The following NAV2 variants were observed in gnomAD, a reference collection of about 807,000 sequenced individuals.
The protein encoded by NAV2 is neuron navigator 2, also known as helicase, APC down-regulated 1.
NAV2 carries 54 observed loss-of-function variants against 223.2 expected under a neutral mutation model. The observed-to-expected ratio is 0.24, with a 90% CI of 0.19 to 0.30. NAV2 has a LOEUF of 0.30. Among genes scored for constraint, NAV2 ranks in the 10% least tolerant of loss-of-function variants. The pLI, the probability that NAV2 is intolerant of heterozygous loss-of-function variation, is 1.00. For synonymous variants in NAV2, 1,279 were observed against 1,239.3 expected, an observed-to-expected ratio of 1.03 and a Z score of -0.67; for missense variants, 2,806 against 3,147.5, an observed-to-expected ratio of 0.89 and a Z score of 2.60.
intron 1 of NAV2, among the ~76,000 whole-genome samples, chr11:19,475,804 C>A (rs933829158): frequency 2.0e-5 from 3 of 152,188 alleles, no homozygotes; most frequent in African/African-American, 4.8e-5. Flanking sequence ...CCATAAAAAT[C>A]GGTCTGTCCT....
At chr11:19,474,659 T>A (rs1398209227) in intron 1 of NAV2, among the ~76,000 whole-genome samples, 3 of 152,162 alleles carry the variant, frequency 2.0e-5, no homozygotes, top group Non-Finnish European at 4.4e-5. Flanking sequence ...AAAAACAATA[T>A]ATTCATGGAT....
intron 4 of NAV2, among the ~76,000 whole-genome samples, chr11:19,870,364 C>T (rs954328398): frequency 2.6e-5 from 4 of 152,144 alleles, no homozygotes; most frequent in African/African-American, 9.7e-5. Context: ...AGGGCATACT[C>T]GTCCTAGTTT....
chr11:20,075,221 T>TG (rs1491555561), intron 22 of NAV2, among the ~76,000 whole-genome samples: 6 of 145,520 alleles, frequency 4.1e-5, no homozygotes, highest in African/African-American at 1.6e-4. Flanking sequence ...TTTTTTGTTT[T>TG]GTTTTTTTTT....
chr11:19,616,985 A>G (rs2046816768), intron 1 of NAV2, among the ~76,000 whole-genome samples: 1 of 152,012 alleles, frequency 6.6e-6, no homozygotes, highest in Non-Finnish European at 1.5e-5. Flanking sequence ...CATCTATAAC[A>G]TGGGTCTCAT....
At chr11:19,980,550 T>C (rs1172736401) in intron 10 of NAV2, among the ~76,000 whole-genome samples, 3 of 152,230 alleles carry the variant, frequency 2.0e-5, no homozygotes, top group Non-Finnish European at 2.9e-5. Flanking sequence ...CCATCAGTCC[T>C]CTGGCTCCCT....
intron 22 of NAV2, among the ~76,000 whole-genome samples, chr11:20,069,686 C>T (rs2059277800): frequency 6.6e-6 from 1 of 152,100 alleles, no homozygotes; most frequent in South Asian, 2.1e-4. Flanking sequence ...AGCCTGAGCC[C>T]GTTGATAAAC....
intron 10 of NAV2, among the ~76,000 whole-genome samples, chr11:19,960,097 T>A (rs886196194): frequency 6.6e-6 from 1 of 152,190 alleles, no homozygotes; most frequent in Non-Finnish European, 1.5e-5. Flanking sequence ...TCTAGTCAGT[T>A]CCAGGCCCCT....
At chr11:19,810,533 C>T (rs984232628) in intron 1 of NAV2, among the ~76,000 whole-genome samples, 3 of 152,180 alleles carry the variant, frequency 2.0e-5, no homozygotes, top group African/African-American at 7.2e-5. Flanking sequence ...GATTCCTTTA[C>T]GCTGACATGC....
At chr11:19,935,710 C>G (rs907191573) in intron 7 of NAV2, among the ~76,000 whole-genome samples, 6 of 151,938 alleles carry the variant, frequency 3.9e-5, no homozygotes, top group African/African-American at 1.2e-4. Flanking sequence ...CAGTGAGGGT[C>G]ATACCAATCT....
intron 5 of NAV2, among the ~76,000 whole-genome samples, chr11:19,880,747 C>T (rs2063152667): frequency 6.6e-6 from 1 of 152,154 alleles, no homozygotes; most frequent in African/African-American, 2.4e-5. Flanking sequence ...CTGACGTTTG[C>T]CAGTCATACT....
chr11:19,768,132 T>G (rs1317470273), intron 1 of NAV2, among the ~76,000 whole-genome samples: 2 of 152,202 alleles, frequency 1.3e-5, no homozygotes, highest in African/African-American at 4.8e-5. Context: ...AACTTCTTCA[T>G]CCGGGATGGG....
intron 6 of NAV2, among the ~76,000 whole-genome samples, chr11:19,899,804 G>A (rs772509304): frequency 6.6e-6 from 1 of 152,176 alleles, no homozygotes; most frequent in South Asian, 2.1e-4. Flanking sequence ...AGAATGACTT[G>A]TCCTGCCCTT....
intron 6 of NAV2, among the ~76,000 whole-genome samples, chr11:19,899,977 A>G (rs1365011821): frequency 6.6e-6 from 1 of 152,138 alleles, no homozygotes; most frequent in Non-Finnish European, 1.5e-5. Context: ...TGCTGGAGCT[A>G]TTATCCCAGG....
intron 1 of NAV2, among the ~76,000 whole-genome samples, chr11:19,472,390 T>A (rs2041991252): frequency 6.6e-6 from 1 of 152,148 alleles, no homozygotes; most frequent in Non-Finnish European, 1.5e-5. Flanking sequence ...CCTTATAGAG[T>A]TGTCCCGAGA....
At chr11:19,844,539 T>G (rs764694725) in intron 3 of NAV2, among the ~76,000 whole-genome samples, 2 of 152,232 alleles carry the variant, frequency 1.3e-5, no homozygotes, top group Non-Finnish European at 2.9e-5. Flanking sequence ...ATCCCAAATC[T>G]GAAAATCCAA....
chr11:19,382,567 G>A (rs1848885276), intron 1 of NAV2, among the ~76,000 whole-genome samples: 1 of 152,148 alleles, frequency 6.6e-6, no homozygotes, highest in Non-Finnish European at 1.5e-5. Flanking sequence ...GGAAGTAATT[G>A]TCTCCCCCAC....
intron 3 of NAV2, among the ~76,000 whole-genome samples, chr11:19,861,483 G>A (rs562148508): frequency 6.6e-6 from 1 of 152,178 alleles, no homozygotes; most frequent in Non-Finnish European, 1.5e-5. Flanking sequence ...AAAACTACCG[G>A]TTGTTGGGCA....
intron 1 of NAV2, among the ~76,000 whole-genome samples, chr11:19,485,375 A>C (rs1371933406): frequency 6.6e-6 from 1 of 152,168 alleles, no homozygotes; most frequent in Non-Finnish European, 1.5e-5. Context: ...AGGTGAGAGA[A>C]TAGAGAATCA....
chr11:19,813,300 G>A (rs2058934041), intron 1 of NAV2, among the ~76,000 whole-genome samples: 1 of 152,154 alleles, frequency 6.6e-6, no homozygotes, highest in African/African-American at 2.4e-5. Flanking sequence ...TTTTGCTCTT[G>A]TGTGGCCTCA....
Sources: allele counts gnomAD v4.1 joint callset (sites outside exome capture counted in the v4.1 genomes callset), GRCh38; gene constraint gnomAD v4.1.1; transcripts MANE v1.5; gene names NCBI Gene and HGNC (gene_info 2026-07-23, HGNC 2026-07-21).